The following SEC11C variants were observed in gnomAD, a reference collection of about 807,000 sequenced individuals.
SEC11C encodes SEC11 homolog C, signal peptidase complex subunit, also known as signal peptidase complex catalytic subunit SEC11C.
In SEC11C, 10 loss-of-function variants were observed where a neutral mutation model predicts 21.9. The observed-to-expected ratio is 0.46, with a 90% CI of 0.28 to 0.77. The LOEUF (loss-of-function observed/expected upper bound fraction) is 0.77. Among genes scored for constraint, SEC11C ranks in the 30% least tolerant of loss-of-function variants. SEC11C has a pLI of 0.12. For missense variants in SEC11C, 145 were observed against 244.5 expected (o/e 0.59, Z 2.71); for synonymous variants, 83 against 85.6 (o/e 0.97, Z 0.17).
At chr18:59,149,696 C>A in intron 2 of SEC11C, 74 bp downstream of exon 2, 3 of 793,320 alleles carry the variant, frequency 3.8e-6, no homozygotes, top group South Asian at 2.1e-5. Flanking sequence ...AGCGGGGCAG[C>A]CTTAAGTGAA....
chr18:59,143,911 G>A (rs2069241271), intron 1 of SEC11C, among the ~76,000 whole-genome samples: 1 of 149,376 alleles, frequency 6.7e-6, no homozygotes, highest in Non-Finnish European at 1.5e-5. Flanking sequence ...GAGTGCAGTG[G>A]TGCAATCTCG....
chr18:59,146,606 C>T (rs1207318109), intron 1 of SEC11C, among the ~76,000 whole-genome samples: 3 of 148,364 alleles, frequency 2.0e-5, no homozygotes, highest in South Asian at 2.1e-4. Context: ...AGGTGAGGGC[C>T]GACAGTTATC....
At chr18:59,153,021 A>G (rs2069376800) in intron 3 of SEC11C, 1 of 165,718 alleles carries the variant, frequency 6.0e-6, no homozygotes, top group African/African-American at 2.4e-5. Context: ...GCAACAGAGG[A>G]TGGTTTTGAT....
intron 1 of SEC11C, 27 bp downstream of exon 1, chr18:59,140,062 C>G (rs778226397): frequency 2.6e-6 from 4 of 1,551,782 alleles, no homozygotes; most frequent in Non-Finnish European, 3.5e-6. Context: ...GTGAGCGCGC[C>G]GTGGCCGGGA....
At chr18:59,150,006 G>A (rs1603377450) in intron 2 of SEC11C, among the ~76,000 whole-genome samples, 1 of 151,726 alleles carries the variant, frequency 6.6e-6, no homozygotes, top group African/African-American at 2.4e-5. Flanking sequence ...TCCCCAGTGC[G>A]TAGCATTGTG....
intron 1 of SEC11C, among the ~76,000 whole-genome samples, chr18:59,143,694 T>C (rs1001766501): frequency 7.9e-5 from 12 of 152,142 alleles, no homozygotes; most frequent in Non-Finnish European, 1.6e-4. Flanking sequence ...TATCGTTTGG[T>C]GAGATCCTAC....
At chr18:59,146,491 A>T (rs544245649) in intron 1 of SEC11C, among the ~76,000 whole-genome samples, 18 of 152,236 alleles carry the variant, frequency 1.2e-4, no homozygotes, top group African/African-American at 4.1e-4. Context: ...ACTGGCAGGA[A>T]GACAAGAAAG....
intron 1 of SEC11C, among the ~76,000 whole-genome samples, chr18:59,146,546 G>A (rs1226326814): frequency 6.6e-6 from 1 of 152,092 alleles, no homozygotes. Flanking sequence ...CAGGGGCTGA[G>A]GGTTCGAAGA....
intron 5 of SEC11C, among the ~76,000 whole-genome samples, 199 bp from the exon 6 acceptor site, chr18:59,158,426 CTGATCTT>C (rs1369167415): frequency 6.6e-6 from 1 of 152,170 alleles, no homozygotes; most frequent in East Asian, 1.9e-4. Context: ...TGTTCATTTT[CTGATCTT>C]TAGTCCATCA....
At position 59,139,935 on chromosome 18, in the gene SEC11C, C is replaced by G. The variant is rs369349843; in HGVS notation, c.-14C>G. The G allele has an allele frequency of 4.8e-5, 74 of 1,529,996 alleles. No individual in the cohort carries two copies. In the African/African-American group the frequency reaches 8.6e-4, roughly 18 times the overall value. The allele number at this position is 1,529,996 out of a possible 1,614,324, so 94.8% of individuals were successfully genotyped here. On this transcript the variant is annotated 5_prime_UTR_variant, in exon 1 of 6. Transcript: ENST00000587834. ...CCAGAGCCGGCGGGCCGCTAGGTCC[C>G]CGGAGACCCTGCTATGGTGCGTGCG...
intron 1 of SEC11C, among the ~76,000 whole-genome samples, chr18:59,144,193 T>G (rs2069244929): frequency 6.6e-6 from 1 of 152,180 alleles, no homozygotes; most frequent in Non-Finnish European, 1.5e-5. Context: ...TGTTGCTCAT[T>G]TATTTCCTTT....
intron 1 of SEC11C, chr18:59,147,985 G>A (rs2069297391): frequency 6.6e-6 from 1 of 152,310 alleles, no homozygotes; most frequent in Admixed American, 6.5e-5. Flanking sequence ...CAGATGCCAG[G>A]AGAATAGGCA....
At chr18:59,154,611 G>A (rs2069398274) in intron 3 of SEC11C, among the ~76,000 whole-genome samples, 1 of 152,194 alleles carries the variant, frequency 6.6e-6, no homozygotes, top group South Asian at 2.1e-4. Flanking sequence ...GGTCAGTGGT[G>A]AAGGAAATAA....
At chr18:59,150,575 G>C (rs1055790049) in intron 2 of SEC11C, among the ~76,000 whole-genome samples, 2 of 152,234 alleles carry the variant, frequency 1.3e-5, no homozygotes, top group African/African-American at 4.8e-5. Context: ...ACTGTGCTTT[G>C]GGGACGCCCC....
chr18:59,153,985 G>A (rs2069389991), intron 3 of SEC11C, among the ~76,000 whole-genome samples: 1 of 152,172 alleles, frequency 6.6e-6, no homozygotes, highest in Non-Finnish European at 1.5e-5. Context: ...AGGATTACAG[G>A]TGTGAGCAAC....
chr18:59,144,105 C>T (rs181228621), intron 1 of SEC11C, among the ~76,000 whole-genome samples: 42 of 152,280 alleles, frequency 2.8e-4, no homozygotes, highest in South Asian at 1.4e-3. Context: ...CCGCCCACCT[C>T]GGCCTCTCAA....
intron 5 of SEC11C, among the ~76,000 whole-genome samples, chr18:59,158,387 G>A (rs1272338810): frequency 5.3e-5 from 8 of 152,318 alleles, no homozygotes; most frequent in Admixed American, 3.9e-4. Flanking sequence ...GGAAACCTGC[G>A]TAGGAGTAAG....
intron 1 of SEC11C, among the ~76,000 whole-genome samples, chr18:59,144,910 T>C (rs2069253072): frequency 6.6e-6 from 1 of 152,194 alleles, no homozygotes; most frequent in South Asian, 2.1e-4. Context: ...GTTTTTCTTA[T>C]TGCTGATTTG....
In SEC11C at chr18:59,149,528, T is replaced by G; in HGVS notation, c.103T>G (p.Leu35Val). The G allele has an allele frequency of 6.2e-7, 1 of 1,609,800 alleles. No homozygotes were observed. Among genetic ancestry groups the G allele is most frequent in the Non-Finnish European group, 8.5e-7 (1 of 1,176,456 alleles). ...TTCATTCCAGCTCTATTACCAGGTTTTAAACTTCGCCATGATCGTGTCTTC... is the reference window on the plus strand; with the variant it reads ...TTCATTCCAGCTCTATTACCAGGTTGTAAACTTCGCCATGATCGTGTCTTC... ...MNKRQLYYQV[L>V]NFAMIVSSAL... The change falls in exon 2 of 6, where the codon TTA becomes GTA. Residue 35 changes from leucine (L) to valine (V), a missense_variant. Coordinates refer to ENST00000587834, the MANE Select transcript of SEC11C (RefSeq NM_033280.4).
Sources: allele counts gnomAD v4.1 joint callset (sites outside exome capture counted in the v4.1 genomes callset), GRCh38; gene constraint gnomAD v4.1.1; transcripts MANE v1.5; gene names NCBI Gene and HGNC (gene_info 2026-07-23, HGNC 2026-07-21).